CRYZL1: variants seen among roughly 807,000 people sequenced by gnomAD.
CRYZL1 encodes the protein ferry endosomal RAB5 effector complex subunit 4.
Under a neutral mutation model 50.6 loss-of-function variants are expected in CRYZL1, and 34 were observed. That is an observed-to-expected ratio of 0.67 (90% confidence interval 0.51 to 0.89). CRYZL1 has a LOEUF of 0.89. CRYZL1 is among the 40% of genes least tolerant of loss of function. The probability of loss-of-function intolerance (pLI) is 0.00; values close to 1 mark genes in which losing one functional copy is unlikely to be tolerated. For missense variants in CRYZL1, 354 were observed against 402.3 expected (o/e 0.88, Z 1.03); for synonymous variants, 125 against 134.3 (o/e 0.93, Z 0.48).
At chr21:33,621,068 G>T (rs977025322) in intron 4 of CRYZL1, among the ~76,000 whole-genome samples, 1 of 148,586 alleles carries the variant, frequency 6.7e-6, no homozygotes, top group East Asian at 2.0e-4. Context: ...ACCTCGCCCG[G>T]CTAATTTTTT....
At chr21:33,627,810 T>A (rs1234464374) in intron 2 of CRYZL1, among the ~76,000 whole-genome samples, 2 of 147,894 alleles carry the variant, frequency 1.4e-5, no homozygotes, top group Non-Finnish European at 3.0e-5. Context: ...AGTGGCGTGA[T>A]CTCCACTCAC....
intron 11 of CRYZL1, chr21:33,595,240 T>C: frequency 1.0e-6 from 1 of 998,956 alleles, no homozygotes; most frequent in South Asian, 1.9e-5. Context: ...CTATCTTCAT[T>C]TGATAAAGAT....
chr21:33,625,610 A>C (rs2087052656), intron 2 of CRYZL1, among the ~76,000 whole-genome samples: 1 of 151,918 alleles, frequency 6.6e-6, no homozygotes, highest in South Asian at 2.1e-4. Context: ...CAGCCTTCTG[A>C]GTAGCTGGGG....
chr21:33,603,293 A>C (rs1450426261), intron 7 of CRYZL1, 111 bp downstream of exon 7: 3 of 1,329,024 alleles, frequency 2.3e-6, no homozygotes. Flanking sequence ...AAAAAAAGTC[A>C]ATCAATAAGC....
intron 8 of CRYZL1, among the ~76,000 whole-genome samples, chr21:33,599,693 G>T (rs1277490476): frequency 6.6e-6 from 1 of 151,228 alleles, no homozygotes; most frequent in African/African-American, 2.4e-5. Flanking sequence ...GTGCAGTGGT[G>T]TGATCACAGC....
chr21:33,634,454 C>T (rs2087178413), intron 1 of CRYZL1, among the ~76,000 whole-genome samples: 1 of 152,050 alleles, frequency 6.6e-6, no homozygotes, highest in East Asian at 1.9e-4. Context: ...CAAGTTCTAC[C>T]CCCTCTCTGG....
chr21:33,596,860 T>C (rs1261657001), intron 10 of CRYZL1, among the ~76,000 whole-genome samples: 10 of 151,270 alleles, frequency 6.6e-5, no homozygotes, highest in Non-Finnish European at 1.3e-4. Flanking sequence ...ATTTTTCAGA[T>C]TTTTTTCTTT....
At chr21:33,591,121 G>C in intron 12 of CRYZL1, 41 bp downstream of exon 12, 1 of 1,518,956 alleles carries the variant, frequency 6.6e-7, no homozygotes, top group Non-Finnish European at 9.1e-7. Flanking sequence ...CCTGAAAATA[G>C]AAAAACAAAC....
intron 4 of CRYZL1, among the ~76,000 whole-genome samples, chr21:33,618,288 C>CAAAA (rs35810127): frequency 2.5e-4 from 23 of 91,182 alleles, no homozygotes; most frequent in East Asian, 6.1e-4. Context: ...GACTCCGTCT[C>CAAAA]AAAAAAAAAA....
intron 7 of CRYZL1, chr21:33,603,189 A>G (rs2086773902): frequency 2.0e-6 from 1 of 511,374 alleles, no homozygotes; most frequent in African/African-American, 1.9e-5. Flanking sequence ...TTTTTAATGT[A>G]CCAGCAGATT....
chr21:33,613,731 A>C, intron 5 of CRYZL1, 125 bp from the exon 6 acceptor site: 1 of 674,752 alleles, frequency 1.5e-6, no homozygotes, highest in Non-Finnish European at 2.6e-6. Flanking sequence ...ACTAGTGTGG[A>C]CAAGAAAAAA....
rs750083939 is a variant in CRYZL1, at chr21:33,595,722, A to G, written c.904+9T>C. 4.3e-6 allele frequency: 7 copies of G among 1,612,624 alleles called. No individual in the cohort carries two copies. The highest frequency in any genetic ancestry group is 5.9e-6 in the Non-Finnish European group (7 of 1,178,632). ...AGCCAGAAACTCAATCAGTCGATAA[A>G]AAGGATATAAAGATATTTTCCCTGT... is the stretch of plus-strand genomic sequence containing the variant. On this transcript the variant is annotated intron_variant, in intron 11 of 12. Coordinates refer to ENST00000381554, the MANE Select transcript of CRYZL1 (RefSeq NM_145858.3).
intron 6 of CRYZL1, among the ~76,000 whole-genome samples, chr21:33,604,101 C>T (rs1431504892): frequency 6.6e-6 from 1 of 152,082 alleles, no homozygotes; most frequent in Admixed American, 6.6e-5. Context: ...GGCGTGGTGG[C>T]TCACGCTTGT....
intron 4 of CRYZL1, among the ~76,000 whole-genome samples, chr21:33,619,756 G>C (rs1404607359): frequency 3.9e-5 from 6 of 152,014 alleles, no homozygotes; most frequent in African/African-American, 1.4e-4. Context: ...GCCTGCCCAG[G>C]ACTTTATCTT....
intron 4 of CRYZL1, among the ~76,000 whole-genome samples, chr21:33,620,807 A>G (rs531014225): frequency 6.6e-6 from 1 of 151,834 alleles, no homozygotes; most frequent in East Asian, 1.9e-4. Flanking sequence ...GAGACTCTGA[A>G]AAAAAACAAA....
chr21:33,592,790 G>A (rs1395803696), intron 11 of CRYZL1, among the ~76,000 whole-genome samples: 1 of 152,096 alleles, frequency 6.6e-6, no homozygotes, highest in Non-Finnish European at 1.5e-5. Flanking sequence ...GGTGGCTAAC[G>A]CCTGTAATCC....
chr21:33,611,506 C>T (rs2086872819), intron 6 of CRYZL1, among the ~76,000 whole-genome samples: 1 of 152,070 alleles, frequency 6.6e-6, no homozygotes, highest in Admixed American at 6.6e-5. Flanking sequence ...GGTAGCCTAG[C>T]TCAAGTTACT....
intron 11 of CRYZL1, among the ~76,000 whole-genome samples, chr21:33,594,320 ATT>A (rs879901753): frequency 7.1e-6 from 1 of 141,396 alleles, no homozygotes; most frequent in Admixed American, 7.1e-5. Flanking sequence ...CACCCAACTA[ATT>A]TTTTTTTTTT....
At position 33,616,697 on chromosome 21, in the gene CRYZL1, A is replaced by G. The variant is rs1216787705; in HGVS notation, c.262+9T>C. The G allele has an allele frequency of 1.2e-6, 2 of 1,610,166 alleles. No homozygotes were observed. Among genetic ancestry groups the G allele is most frequent in the Non-Finnish European group, 1.7e-6 (2 of 1,178,028 alleles). On this transcript the variant is annotated intron_variant, in intron 5 of 12. Coordinates refer to ENST00000381554, the MANE Select transcript of CRYZL1 (RefSeq NM_145858.3). ...ATGACTTGAAATAAGACTATGAACTATAACTTACCAACTACTTCATCATCT... is the reference window on the plus strand; with the variant it reads ...ATGACTTGAAATAAGACTATGAACTGTAACTTACCAACTACTTCATCATCT...
Sources: allele counts gnomAD v4.1 joint callset (sites outside exome capture counted in the v4.1 genomes callset), GRCh38; gene constraint gnomAD v4.1.1; transcripts MANE v1.5; gene names NCBI Gene and HGNC (gene_info 2026-07-23, HGNC 2026-07-21).